Variants in CIMAP3 observed in about 807,000 individuals in gnomAD.
CIMAP3 encodes the protein ciliary microtubule-associated protein 3.
the CIMAP3 span, among the ~76,000 whole-genome samples, chr1:111,350,788 G>A: frequency 2.0e-5 from 3 of 152,170 alleles, no homozygotes; most frequent in Non-Finnish European, 4.4e-5. Context: ...AATCCGATAA[G>A]GTTATAAAGA....
the CIMAP3 span, chr1:111,346,845 C>G: frequency 6.3e-7 from 1 of 1,593,522 alleles, no homozygotes; most frequent in Admixed American, 1.7e-5. Context: ...ACCTTCCCCT[C>G]CCGGAACGCG....
the CIMAP3 span, chr1:111,346,803 G>C: frequency 3.2e-6 from 5 of 1,571,992 alleles, no homozygotes; most frequent in African/African-American, 4.0e-5. Flanking sequence ...GTAAGCGCAC[G>C]GTTGGGCCCT....
the CIMAP3 span, among the ~76,000 whole-genome samples, chr1:111,342,039 C>G: frequency 6.6e-6 from 1 of 152,080 alleles, no homozygotes; most frequent in African/African-American, 2.4e-5. Context: ...CTTTCCGAAA[C>G]TTGAGAACGA....
the CIMAP3 span, among the ~76,000 whole-genome samples, chr1:111,332,517 G>A: frequency 6.6e-6 from 1 of 152,158 alleles, no homozygotes; most frequent in African/African-American, 2.4e-5. Flanking sequence ...AGACCACAGG[G>A]ATGTTTCAGA....
At chr1:111,349,607 AG>A in the CIMAP3 span, 4 of 152,716 alleles carry the variant, frequency 2.6e-5, no homozygotes, top group Admixed American at 2.6e-4. Context: ...ATTTCCTGAC[AG>A]TAAAGAGTCC....
chr1:111,342,328 A>T, the CIMAP3 span, among the ~76,000 whole-genome samples: 1 of 152,230 alleles, frequency 6.6e-6, no homozygotes, highest in African/African-American at 2.4e-5. Context: ...GCCATGTCTA[A>T]GTTCTGTACA....
At chr1:111,341,786 A>G in the CIMAP3 span, among the ~76,000 whole-genome samples, 2 of 152,226 alleles carry the variant, frequency 1.3e-5, no homozygotes, top group Non-Finnish European at 2.9e-5. Context: ...GACAATTTGC[A>G]TGAAGCTTTT....
At chr1:111,351,422 CTT>C in the CIMAP3 span, 1 of 1,123,246 alleles carries the variant, frequency 8.9e-7, no homozygotes, top group Non-Finnish European at 1.3e-6. Flanking sequence ...CTGTGGCCCT[CTT>C]GTCTGGCAGC....
the CIMAP3 span, chr1:111,348,491 A>G: frequency 1.3e-6 from 2 of 1,581,432 alleles, no homozygotes; most frequent in Middle Eastern, 1.7e-4. Flanking sequence ...ACTCTGTAAC[A>G]TAATGATCTT....
the CIMAP3 span, chr1:111,350,287 G>T: frequency 7.7e-7 from 1 of 1,302,720 alleles, no homozygotes; most frequent in Non-Finnish European, 1.1e-6. Flanking sequence ...AGGTATTAGG[G>T]ACTCTTAATT....
chr1:111,341,267 G>C, the CIMAP3 span, among the ~76,000 whole-genome samples: 1 of 151,772 alleles, frequency 6.6e-6, no homozygotes, highest in Non-Finnish European at 1.5e-5. Flanking sequence ...TAGATGACGA[G>C]TTAGTGGGTG....
chr1:111,345,839 C>T, the CIMAP3 span, among the ~76,000 whole-genome samples: 8 of 151,946 alleles, frequency 5.3e-5, no homozygotes, highest in Non-Finnish European at 7.4e-5. Flanking sequence ...TTTTTTTCTT[C>T]GGTTATTATT....
chr1:111,325,076 A>G, the CIMAP3 span, among the ~76,000 whole-genome samples: 1 of 152,208 alleles, frequency 6.6e-6, no homozygotes, highest in Admixed American at 6.5e-5. Context: ...TCCCATCTTA[A>G]TAAACCTGCA....
the CIMAP3 span, among the ~76,000 whole-genome samples, chr1:111,327,421 T>C: frequency 3.9e-5 from 6 of 152,100 alleles, no homozygotes; most frequent in Admixed American, 6.5e-5. Flanking sequence ...ATCATTTCTG[T>C]AGGAAAATGG....
the CIMAP3 span, chr1:111,348,633 A>G: frequency 1.9e-6 from 3 of 1,599,154 alleles, no homozygotes; most frequent in Non-Finnish European, 2.6e-6. Flanking sequence ...CCCAAAGGAC[A>G]CTTACTATCC....
At chr1:111,335,364 A>T in the CIMAP3 span, among the ~76,000 whole-genome samples, 1 of 152,222 alleles carries the variant, frequency 6.6e-6, no homozygotes, top group South Asian at 2.1e-4. Context: ...CAGTGGGTGC[A>T]GCACACTGTG....
the CIMAP3 span, among the ~76,000 whole-genome samples, chr1:111,336,449 A>G: frequency 6.6e-6 from 1 of 152,298 alleles, no homozygotes; most frequent in Non-Finnish European, 1.5e-5. Context: ...AAAAAATTTG[A>G]AAAAAATTTA....
chr1:111,345,293 C>T, the CIMAP3 span, among the ~76,000 whole-genome samples: 200 of 152,268 alleles, frequency 1.3e-3, 2 homozygotes, highest in East Asian at 0.036. Flanking sequence ...ATCTTTATTC[C>T]ATTTAAGCTT....
At chr1:111,324,763 G>T in the CIMAP3 span, 17 of 985,238 alleles carry the variant, frequency 1.7e-5, no homozygotes, top group South Asian at 9.4e-5. Flanking sequence ...TTCCCCTGAG[G>T]ACCTGTTCTT....
Sources: allele counts gnomAD v4.1 joint callset (sites outside exome capture counted in the v4.1 genomes callset), GRCh38; gene constraint gnomAD v4.1.1; transcripts MANE v1.5; gene names NCBI Gene and HGNC (gene_info 2026-07-23, HGNC 2026-07-21).